BORA: variants seen among roughly 807,000 people sequenced by gnomAD.
The protein encoded by BORA is protein aurora borealis.
BORA carries 26 observed loss-of-function variants against 55.8 expected under a neutral mutation model. The ratio of observed to expected loss-of-function variants is 0.47; its 90% CI spans 0.34 to 0.65. The LOEUF (loss-of-function observed/expected upper bound fraction) is 0.65, where lower values mean the gene tolerates loss of function less well. Ranked by LOEUF, BORA falls within the 30% of genes least tolerant of loss-of-function variation. The probability of loss-of-function intolerance (pLI) is 0.01; values close to 1 mark genes in which losing one functional copy is unlikely to be tolerated. For synonymous variants in BORA, 201 were observed against 216.9 expected, an observed-to-expected ratio of 0.93 and a Z score of 0.64; for missense variants, 568 against 671.5, an observed-to-expected ratio of 0.85 and a Z score of 1.70.
chr13:72,731,510 T>G (rs1024698805), intron 3 of BORA, 123 bp downstream of exon 3: 1 of 703,950 alleles, frequency 1.4e-6, no homozygotes, highest in Non-Finnish European at 2.4e-6. Context: ...TGATGCAGAT[T>G]TTTTCTATCT....
chr13:72,755,776 G>A lies in BORA; in HGVS notation c.*560G>A, dbSNP rs1466186130. ...CTTAGTTCCAGTGATAACTGTTCTA[G>A]TTACTACTTTTAAGTATGTAAATAC... On this transcript the variant is annotated 3_prime_UTR_variant, in exon 12 of 12. Coordinates refer to ENST00000390667, the MANE Select transcript of BORA (RefSeq NM_024808.5). The A allele has an allele frequency of 2.5e-6, 1 of 397,792 alleles. No individual in the cohort carries two copies. The highest frequency in any genetic ancestry group is 2.1e-5 in the African/African-American group (1 of 48,594). 24.6% of individuals were successfully genotyped at this position (397,792 alleles called of 1,614,324 possible).
intron 1 of BORA, among the ~76,000 whole-genome samples, chr13:72,728,457 C>G (rs931382134): frequency 1.3e-5 from 2 of 152,210 alleles, no homozygotes; most frequent in African/African-American, 4.8e-5. Context: ...TTCCTCATCT[C>G]TTACCTGCTT....
intron 7 of BORA, among the ~76,000 whole-genome samples, 193 bp from the exon 8 acceptor site, chr13:72,744,788 T>C (rs950011176): frequency 1.3e-5 from 2 of 152,214 alleles, no homozygotes; most frequent in South Asian, 4.1e-4. Context: ...ATTGATATTA[T>C]ACTAACAATG....
chr13:72,727,940 C>A lies in BORA; in HGVS notation c.-83C>A, dbSNP rs759001039. Reference sequence around the variant, plus strand: ...GGGGAGTTAAAGAGTCTATGCCTGTCGTGGAAGCTGGCCTGGCCCCCGGAG... The same window carrying A: ...GGGGAGTTAAAGAGTCTATGCCTGTAGTGGAAGCTGGCCTGGCCCCCGGAG... On this transcript the variant is annotated 5_prime_UTR_variant, in exon 1 of 12. Transcript: ENST00000390667. 6 of 1,550,636 alleles carry A rather than the reference C, an allele frequency of 3.9e-6. No homozygotes were observed. Among genetic ancestry groups the A allele is most frequent in the South Asian group, 2.4e-5 (2 of 84,058 alleles).
chr13:72,753,679 T>A lies in BORA; in HGVS notation c.1483-11T>A. On this transcript the variant is annotated splice_polypyrimidine_tract_variant and intron_variant, in intron 10 of 11. Transcript: ENST00000390667. ...CCTCACAATATATTTTTTTCTTTTT[T>A]CTCCTGTCAGATGGATAGTGGCTAT... The A allele has an allele frequency of 6.2e-7, 1 of 1,600,328 alleles. No homozygotes were observed. Among genetic ancestry groups the A allele is most frequent in the Non-Finnish European group, 8.5e-7 (1 of 1,175,264 alleles).
chr13:72,751,778 G>A (rs894123402), intron 10 of BORA, among the ~76,000 whole-genome samples: 9 of 152,296 alleles, frequency 5.9e-5, no homozygotes, highest in Middle Eastern at 3.4e-3. Flanking sequence ...TGAGTTAATG[G>A]ATATGCTAAT....
intron 5 of BORA, among the ~76,000 whole-genome samples, chr13:72,738,255 TC>T (rs1458434393): frequency 5.3e-5 from 8 of 152,280 alleles, no homozygotes; most frequent in Middle Eastern, 3.4e-3. Flanking sequence ...TTTAACTTTT[TC>T]TTCATGACTA....
intron 5 of BORA, among the ~76,000 whole-genome samples, chr13:72,743,334 G>A (rs1052792434): frequency 3.3e-5 from 5 of 151,024 alleles, no homozygotes; most frequent in Non-Finnish European, 7.4e-5. Flanking sequence ...TATTTGCTGT[G>A]GTAATCCTTT....
At position 72,728,089 on chromosome 13, in the gene BORA, C is replaced by T. The variant is rs572833969; in HGVS notation, c.-16+82C>T. 136 of 1,527,570 alleles carry T rather than the reference C, an allele frequency of 8.9e-5. No individual in the cohort carries two copies. In the South Asian group the frequency reaches 1.5e-3, roughly 16 times the overall value. 94.6% of individuals were successfully genotyped at this position (1,527,570 alleles called of 1,614,324 possible). On this transcript the variant is annotated intron_variant, in intron 1 of 11. Coordinates refer to ENST00000390667, the MANE Select transcript of BORA (RefSeq NM_024808.5). ...TTTTCCCAGCTCCTGACTTGCCTGCCCGCTCGCCCCTGGTGAATGGGAGCA... is the reference window on the plus strand; with the variant it reads ...TTTTCCCAGCTCCTGACTTGCCTGCTCGCTCGCCCCTGGTGAATGGGAGCA...
intron 10 of BORA, among the ~76,000 whole-genome samples, chr13:72,749,343 G>A (rs184421960): frequency 6.6e-4 from 100 of 152,068 alleles, no homozygotes; most frequent in African/African-American, 3.4e-4. Context: ...CCTTTAATGC[G>A]GGTTTCTTTC....
chr13:72,728,251 C>G, intron 1 of BORA: 1 of 705,102 alleles, frequency 1.4e-6, no homozygotes, highest in Non-Finnish European at 2.6e-6. Flanking sequence ...TTCCACCCCA[C>G]CCCGCCAAGG....
chr13:72,735,111 C>T (rs1298745654), intron 4 of BORA, 106 bp downstream of exon 4: 8 of 857,872 alleles, frequency 9.3e-6, no homozygotes, highest in Non-Finnish European at 1.5e-5. Flanking sequence ...TCCTATCTCC[C>T]CTCCAAGCCC....
chr13:72,728,493 CTG>C (rs1205273749), intron 1 of BORA, among the ~76,000 whole-genome samples: 1 of 152,136 alleles, frequency 6.6e-6, no homozygotes, highest in Non-Finnish European at 1.5e-5. Context: ...TTAATAGCAA[CTG>C]TAGTTGGATA....
At position 72,746,045 on chromosome 13, in the gene BORA, T is replaced by G. The variant is rs756073664; in HGVS notation, c.840T>G (p.Ile280Met). The G allele has an allele frequency of 6.2e-7, 1 of 1,612,070 alleles. No homozygotes were observed. The highest frequency in any genetic ancestry group is 1.1e-5 in the South Asian group (1 of 91,014). ...TTTCTTCACCCACTTTCTCACCAATTGAATTTCAGATAGGAGAGACTCCAC... is the reference window on the plus strand; with the variant it reads ...TTTCTTCACCCACTTTCTCACCAATGGAATTTCAGATAGGAGAGACTCCAC... ...SPISSPTFSP[I>M]EFQIGETPLS... is the part of the protein sequence containing the mutation. The change falls in exon 9 of 12, where the codon ATT becomes ATG. Residue 280 changes from isoleucine to methionine, a missense_variant. Transcript: ENST00000390667.
chr13:72,741,978 G>A (rs1475373352), intron 5 of BORA, among the ~76,000 whole-genome samples: 1 of 152,168 alleles, frequency 6.6e-6, no homozygotes, highest in Non-Finnish European at 1.5e-5. Flanking sequence ...GGCTTTGTAA[G>A]CCATTGAGGT....
chr13:72,741,695 C>T (rs770574418), intron 5 of BORA, among the ~76,000 whole-genome samples: 38 of 151,912 alleles, frequency 2.5e-4, no homozygotes, highest in Admixed American at 1.6e-3. Flanking sequence ...AACCAAAACA[C>T]TTGGAATAGA....
chr13:72,744,897 C>G, intron 7 of BORA, 84 bp from the exon 8 acceptor site: 4 of 1,295,916 alleles, frequency 3.1e-6, no homozygotes, highest in Non-Finnish European at 4.3e-6. Context: ...ATAGTGCATG[C>G]TGGCTTCTTA....
chr13:72,742,848 T>A (rs1488841717), intron 5 of BORA, among the ~76,000 whole-genome samples: 1 of 151,568 alleles, frequency 6.6e-6, no homozygotes, highest in East Asian at 1.9e-4. Flanking sequence ...AAAGAGGAAA[T>A]TTTGTCATTT....
At position 72,738,032 on chromosome 13, in the gene BORA, A is replaced by G; in HGVS notation, c.377A>G (p.His126Arg). The G allele has an allele frequency of 1.9e-6, 3 of 1,593,326 alleles. No homozygotes were observed. Among genetic ancestry groups the G allele is most frequent in the Non-Finnish European group, 2.6e-6 (3 of 1,166,370 alleles). The change falls in exon 5 of 12, where the codon CAT becomes CGT. Residue 126 changes from histidine (H) to arginine (R), a missense_variant. Physicochemically the swap from His to Arg is conservative, Grantham distance 29 (BLOSUM62 0). Coordinates refer to ENST00000390667, the MANE Select transcript of BORA (RefSeq NM_024808.5). ...GAAGGGAAACAGCTTTCACAATGTCATTCCAGTAAATGTGAGTGTACTAAA... is the reference window on the plus strand; with the variant it reads ...GAAGGGAAACAGCTTTCACAATGTCGTTCCAGTAAATGTGAGTGTACTAAA... The part of the protein sequence containing the change: ...DHEGKQLSQC[H>R]SSKCTNINSD...
Sources: allele counts gnomAD v4.1 joint callset (sites outside exome capture counted in the v4.1 genomes callset), GRCh38; gene constraint gnomAD v4.1.1; transcripts MANE v1.5; gene names NCBI Gene and HGNC (gene_info 2026-07-23, HGNC 2026-07-21).